The following CCNY variants were observed in gnomAD, a reference collection of about 807,000 sequenced individuals.
CCNY encodes cyclin-Y.
In CCNY, 19 loss-of-function variants were observed where a neutral mutation model predicts 42.8. The ratio of observed to expected loss-of-function variants is 0.44; its 90% CI spans 0.31 to 0.65. The LOEUF is 0.65. Among genes scored for constraint, CCNY ranks in the 30% least tolerant of loss-of-function variants. CCNY has a pLI of 0.07. For synonymous variants in CCNY, 165 were observed against 162.7 expected (o/e 1.01, Z -0.11); for missense variants, 370 against 437.3 (o/e 0.85, Z 1.37).
At chr10:35,524,367 C>G (rs1028232070) in intron 4 of CCNY, among the ~76,000 whole-genome samples, 1 of 152,180 alleles carries the variant, frequency 6.6e-6, no homozygotes, top group African/African-American at 2.4e-5. Flanking sequence ...TGAGTACTTT[C>G]AACTAGGCTG....
intron 3 of CCNY, among the ~76,000 whole-genome samples, chr10:35,325,949 C>T (rs1018766284): frequency 5.3e-5 from 8 of 151,922 alleles, no homozygotes; most frequent in African/African-American, 1.2e-4. Context: ...GGCACATGCC[C>T]GTGGTCCCAA....
rs1488860386 is a variant in CCNY at position 35,476,764 on chromosome 10, A to G, written c.155-6640A>G. Among the ~76,000 whole-genome samples, 3 of 151,800 alleles carry G rather than the reference A, an allele frequency of 2.0e-5. No individual in the cohort carries two copies. In the East Asian group the frequency reaches 5.8e-4, roughly 29 times the overall value. ...AGCAAACACATTCAAAAGCTAGCAG[A>G]AGGCAAGAAATAACTAAAATCAGAG... On this transcript the variant is annotated intron_variant, in intron 1 of 9. Transcript: ENST00000374704.
At chr10:35,340,650 A>G (rs1364404134) in intron 1 of CCNY, among the ~76,000 whole-genome samples, 1 of 151,962 alleles carries the variant, frequency 6.6e-6, no homozygotes, top group East Asian at 1.9e-4. Flanking sequence ...GATTACAGGC[A>G]TGCGCCACCA....
intron 7 of CCNY, among the ~76,000 whole-genome samples, chr10:35,547,618 G>A (rs987928285): frequency 2.0e-5 from 3 of 152,142 alleles, no homozygotes; most frequent in Admixed American, 6.5e-5. Context: ...TTTTACTAGC[G>A]AATCACTCGT....
At chr10:35,312,103 C>T (rs1835692276) in intron 3 of CCNY, among the ~76,000 whole-genome samples, 1 of 151,630 alleles carries the variant, frequency 6.6e-6, no homozygotes, top group South Asian at 2.1e-4. Flanking sequence ...ATTGGCTGGT[C>T]GCGGTGGCTC....
At chr10:35,458,208 A>G (rs1839079727) in intron 1 of CCNY, among the ~76,000 whole-genome samples, 1 of 152,186 alleles carries the variant, frequency 6.6e-6, no homozygotes, top group Non-Finnish European at 1.5e-5. Context: ...CAAGGACCCC[A>G]CCCATTGCAC....
chr10:35,536,457 G>T (rs1278968173), intron 7 of CCNY, among the ~76,000 whole-genome samples: 1 of 152,172 alleles, frequency 6.6e-6, no homozygotes, highest in African/African-American at 2.4e-5. Context: ...TTAGAATTGG[G>T]TAACAGACAG....
At chr10:35,496,959 T>G (rs1840015589) in intron 2 of CCNY, among the ~76,000 whole-genome samples, 1 of 152,242 alleles carries the variant, frequency 6.6e-6, no homozygotes, top group South Asian at 2.1e-4. Context: ...CCAACTGTAT[T>G]GTTTTTGCTG....
chr10:35,314,402 T>C (rs531736408), intron 3 of CCNY: 2 of 152,208 alleles, frequency 1.3e-5, no homozygotes, highest in African/African-American at 2.4e-5. Flanking sequence ...ATGAGACTTA[T>C]TCACCACCAA....
intron 3 of CCNY, among the ~76,000 whole-genome samples, chr10:35,330,380 T>C (rs1412294766): frequency 6.6e-6 from 1 of 152,208 alleles, no homozygotes; most frequent in Non-Finnish European, 1.5e-5. Flanking sequence ...GGCTGCCTAC[T>C]GTATCATTCC....
At chr10:35,400,275 C>T (rs1448325850) in intron 1 of CCNY, among the ~76,000 whole-genome samples, 15 of 4,442 alleles carry the variant, frequency 3.4e-3, no homozygotes, top group South Asian at 0.017. Context: ...GTGCAGGGGG[C>T]GGCGGGGGTG....
chr10:35,474,337 G>T (rs1839457322), intron 1 of CCNY, among the ~76,000 whole-genome samples: 1 of 152,236 alleles, frequency 6.6e-6, no homozygotes, highest in South Asian at 2.1e-4. Context: ...CTCCACCTCT[G>T]GGGGCAGGGC....
intron 3 of CCNY, among the ~76,000 whole-genome samples, chr10:35,313,677 G>A (rs1467872752): frequency 6.6e-6 from 1 of 152,190 alleles, no homozygotes; most frequent in Non-Finnish European, 1.5e-5. Flanking sequence ...AAATTACTAA[G>A]ATTAAAAGTA....
At chr10:35,441,176 T>C (rs1838659052) in intron 1 of CCNY, among the ~76,000 whole-genome samples, 1 of 152,222 alleles carries the variant, frequency 6.6e-6, no homozygotes, top group Non-Finnish European at 1.5e-5. Context: ...TTTGGCCTCT[T>C]CTGAATACCG....
upstream of CCNY, among the ~76,000 whole-genome samples, chr10:35,333,507 G>A (rs1315650588): frequency 6.6e-6 from 1 of 152,124 alleles, no homozygotes; most frequent in Non-Finnish European, 1.5e-5. Context: ...AGTGACACTT[G>A]TTTTTTTACT....
At chr10:35,534,374 C>T (rs1222116270) in intron 7 of CCNY, among the ~76,000 whole-genome samples, 1 of 152,164 alleles carries the variant, frequency 6.6e-6, no homozygotes, top group African/African-American at 2.4e-5. Flanking sequence ...TCGGGGACAT[C>T]ACTCAACTGA....
intron 4 of CCNY, among the ~76,000 whole-genome samples, chr10:35,525,546 T>C (rs747453221): frequency 1.1e-4 from 16 of 152,206 alleles, no homozygotes; most frequent in Non-Finnish European, 2.2e-4. Context: ...TTGGGTGATA[T>C]TCACATTTTT....
intron 8 of CCNY, among the ~76,000 whole-genome samples, chr10:35,561,151 G>A (rs900591319): frequency 2.0e-5 from 3 of 152,164 alleles, no homozygotes; most frequent in African/African-American, 4.8e-5. Flanking sequence ...AGGGAGGTGC[G>A]TGCCAGGAGC....
chr10:35,469,825 T>G (rs1458934173), intron 1 of CCNY, among the ~76,000 whole-genome samples: 5 of 111,266 alleles, frequency 4.5e-5, no homozygotes, highest in Admixed American at 9.2e-5. Flanking sequence ...GATAGGGAGA[T>G]GGAGAGACAG....
Sources: gnomAD v4.1 joint callset for allele counts (sites outside exome capture counted in the v4.1 genomes callset) on GRCh38, gnomAD v4.1.1 for gene constraint, MANE v1.5 for transcripts, NCBI Gene and HGNC (gene_info 2026-07-23, HGNC 2026-07-21) for gene names.